Variants in GPR180 observed in about 807,000 individuals in gnomAD.
GPR180 encodes integral membrane protein GPR180.
A neutral mutation model predicts 52.6 loss-of-function variants in GPR180; 53 were observed. That is an observed-to-expected ratio of 1.01 (90% CI 0.81 to 1.27). GPR180 has a LOEUF of 1.27. Among genes scored for constraint, GPR180 ranks in the 50% most tolerant of loss-of-function variants. GPR180 has a pLI of 0.00. For synonymous variants in GPR180, 200 were observed against 193.1 expected (o/e 1.04, Z -0.30); for missense variants, 533 against 527.0 (o/e 1.01, Z -0.11).
At chr13:94,614,567 A>G (rs1347536194) in intron 3 of GPR180, among the ~76,000 whole-genome samples, 1 of 152,096 alleles carries the variant, frequency 6.6e-6, no homozygotes, top group Admixed American at 6.5e-5. Context: ...CTTGTCCTGA[A>G]CCTTGCCTAT....
intron 7 of GPR180, 127 bp from the exon 8 acceptor site, chr13:94,625,839 C>A: frequency 2.2e-6 from 1 of 463,562 alleles, no homozygotes; most frequent in Admixed American, 3.8e-5. Flanking sequence ...CATTTTATTG[C>A]AGGCTGTACT....
At chr13:94,621,377 T>C (rs1889849806) in intron 6 of GPR180, 142 bp downstream of exon 6, 2 of 579,656 alleles carry the variant, frequency 3.5e-6, no homozygotes, top group Non-Finnish European at 5.7e-6. Flanking sequence ...CTTCTACAAT[T>C]TGTGTCATTT....
rs777743445 is a variant in GPR180 at position 94,621,194 on chromosome 13, C to T, written c.853C>T (p.Pro285Ser). The change falls in exon 6 of 9, where the codon CCT (proline) becomes TCT (serine). Residue 285 changes from proline to serine, a missense_variant. Coordinates refer to ENST00000376958, the MANE Select transcript of GPR180 (RefSeq NM_180989.6). Reference protein sequence around the residue: ...QSRPLQWDSTPASTGIAVFIV... With the variant: ...QSRPLQWDSTSASTGIAVFIV... ...CAGACCTCTCCAGTGGGATTCTACGCCTGCATCCACTGGCATTGCAGTATT... is the reference window on the plus strand; with the variant it reads ...CAGACCTCTCCAGTGGGATTCTACGTCTGCATCCACTGGCATTGCAGTATT... The T allele has an allele frequency of 2.5e-6, 4 of 1,608,894 alleles. No homozygotes were observed. The highest frequency in any genetic ancestry group is 3.5e-5 in the Admixed American group (2 of 57,900).
At chr13:94,618,504 G>T (rs1054400794) in intron 3 of GPR180, among the ~76,000 whole-genome samples, 1 of 137,470 alleles carries the variant, frequency 7.3e-6, no homozygotes, top group Non-Finnish European at 1.5e-5. Flanking sequence ...ATATTTTGAA[G>T]GTTTGTCCAA....
rs1890035218 is a variant in GPR180 at position 94,634,174 on chromosome 13, A to C, written c.*7003A>C. 6.6e-6 allele frequency: 1 copy of C among 152,160 alleles called. No individual in the cohort carries two copies. Among genetic ancestry groups the C allele is most frequent in the Non-Finnish European group, 1.5e-5 (1 of 68,016 alleles). The allele number at this position is 152,160 out of a possible 1,614,324, so 9.4% of individuals were successfully genotyped here. A position where few individuals can be genotyped will look rare whatever the true frequency, so the allele number is the denominator to read the frequency against. On this transcript the variant is annotated 3_prime_UTR_variant, in exon 9 of 9. Coordinates refer to ENST00000376958, the MANE Select transcript of GPR180 (RefSeq NM_180989.6). ...ATTTTTCTGATTTTCAAAAGAAAAA[A>C]AATCCTGTTTAGTATTCTTAGTGGA...
chr13:94,609,249 A>G (rs1461691925), intron 2 of GPR180, among the ~76,000 whole-genome samples: 3 of 152,200 alleles, frequency 2.0e-5, no homozygotes, highest in Non-Finnish European at 2.9e-5. Flanking sequence ...ATGATTGGAT[A>G]ATTAGCTATT....
In GPR180 at chr13:94,619,465, C is replaced by T; in HGVS notation, c.687-3C>T. 8 of 1,612,140 alleles carry T rather than the reference C, an allele frequency of 5.0e-6. No homozygotes were observed. The highest frequency in any genetic ancestry group is 6.8e-6 in the Non-Finnish European group (8 of 1,178,714). ...TTTACACTACTCTTCTTCAATTCCT[C>T]AGTTACTCCAAAGATGGAATAGGGG... is the stretch of plus-strand genomic sequence containing the variant. On this transcript the variant is annotated splice_polypyrimidine_tract_variant and splice_region_variant and intron_variant, in intron 4 of 8. Coordinates refer to ENST00000376958, the MANE Select transcript of GPR180 (RefSeq NM_180989.6).
chr13:94,621,849 T>C (rs932051506), intron 6 of GPR180, among the ~76,000 whole-genome samples: 1 of 152,194 alleles, frequency 6.6e-6, no homozygotes, highest in Non-Finnish European at 1.5e-5. Flanking sequence ...GATACCCATA[T>C]GCCTATGTTC....
chr13:94,604,858 G>A (rs1165353796), intron 1 of GPR180, among the ~76,000 whole-genome samples: 1 of 152,048 alleles, frequency 6.6e-6, no homozygotes, highest in Non-Finnish European at 1.5e-5. Context: ...TACGGGTGTG[G>A]CCACTGTGCC....
rs776541643 is a variant in GPR180, at chr13:94,629,254, A to G, written c.*2083A>G. 50 of 152,306 alleles carry G rather than the reference A, an allele frequency of 3.3e-4. No homozygotes were observed. Among genetic ancestry groups the G allele is most frequent in the Admixed American group, 1.0e-3 (16 of 15,302 alleles). The allele number at this position is 152,306 out of a possible 1,614,324, so 9.4% of individuals were successfully genotyped here. A position where few individuals can be genotyped will look rare whatever the true frequency, so the allele number is the denominator to read the frequency against. The stretch of plus-strand genomic sequence containing the variant: ...TACAGAAAGTTAAGTGTATACTACA[A>G]ACTCTAATTAAAGATAAAAATCTTT... On this transcript the variant is annotated 3_prime_UTR_variant, in exon 9 of 9. Coordinates refer to ENST00000376958, the MANE Select transcript of GPR180 (RefSeq NM_180989.6).
rs529393081 is a variant in GPR180, at chr13:94,611,534, T to C, written c.305-656T>C. 2.6e-4 allele frequency among the ~76,000 whole-genome samples: 40 copies of C among 152,150 alleles called. No individual in the cohort carries two copies. The South Asian group carries it at 3.7e-3, about 14-fold the overall frequency. Reference sequence around the variant, plus strand: ...AACCAACCCGGAAACTGTGAAAATATCGAAAATCAAAATTCAAAGTTTCAG... The same window carrying C: ...AACCAACCCGGAAACTGTGAAAATACCGAAAATCAAAATTCAAAGTTTCAG... On this transcript the variant is annotated intron_variant, in intron 2 of 8. Coordinates refer to ENST00000376958, the MANE Select transcript of GPR180 (RefSeq NM_180989.6).
At chr13:94,617,621 C>T (rs533005295) in intron 3 of GPR180, among the ~76,000 whole-genome samples, 3 of 152,136 alleles carry the variant, frequency 2.0e-5, no homozygotes, top group Non-Finnish European at 4.4e-5. Context: ...TTCCCCCTAA[C>T]GAGGCCAAAA....
chr13:94,616,055 T>C (rs1889774417), intron 3 of GPR180, among the ~76,000 whole-genome samples: 1 of 152,200 alleles, frequency 6.6e-6, no homozygotes, highest in Non-Finnish European at 1.5e-5. Context: ...ACTATCAGTG[T>C]TGTTCTTAAG....
intron 2 of GPR180, among the ~76,000 whole-genome samples, chr13:94,610,092 A>G (rs1164900772): frequency 1.3e-5 from 2 of 152,088 alleles, no homozygotes; most frequent in Non-Finnish European, 2.9e-5. Context: ...TATGTATGTG[A>G]TTTTTGTTTT....
rs1890039105 is a variant in GPR180, at chr13:94,634,462, G to A, written c.*7291G>A. ...ATGTGTTTCTCAATCACCTTTTAAAGACTTCTTTATATAGCTCTTGTACAT... is the reference window on the plus strand; with the variant it reads ...ATGTGTTTCTCAATCACCTTTTAAAAACTTCTTTATATAGCTCTTGTACAT... On this transcript the variant is annotated 3_prime_UTR_variant, in exon 9 of 9. Coordinates refer to ENST00000376958, the MANE Select transcript of GPR180 (RefSeq NM_180989.6). 6.6e-6 allele frequency: 1 copy of A among 151,918 alleles called. No homozygotes were observed. The highest frequency in any genetic ancestry group is 1.5e-5 in the Non-Finnish European group (1 of 67,974). 9.4% of individuals were successfully genotyped at this position (151,918 alleles called of 1,614,324 possible). A position where few individuals can be genotyped will look rare whatever the true frequency, so the allele number is the denominator to read the frequency against.
rs1889561500 is a variant in GPR180 at position 94,602,075 on chromosome 13, A to C, written c.145+3A>C. The C allele has an allele frequency of 1.5e-6, 2 of 1,374,192 alleles. No homozygotes were observed. Among genetic ancestry groups the C allele is most frequent in the African/African-American group, 1.5e-5 (1 of 67,340 alleles). The allele number at this position is 1,374,192 out of a possible 1,614,324, so 85.1% of individuals were successfully genotyped here. On this transcript the variant is annotated splice_donor_region_variant and intron_variant, in intron 1 of 8. Transcript: ENST00000376958. ...CATCGGCCACTTCGAGTTCCATGGT[A>C]GGTCTGGGGGCGGGGAGGGGGATGA...
In GPR180 at chr13:94,628,230, T is replaced by C. The variant is rs1227652528; in HGVS notation, c.*1059T>C. ...ATCCTTTGTAATAAAGCCATACTTT[T>C]GTGTGTGTGTGTGATGCCCCAGTAT... On this transcript the variant is annotated 3_prime_UTR_variant, in exon 9 of 9. Transcript: ENST00000376958. The C allele has an allele frequency of 6.6e-6, 1 of 151,500 alleles. No individual in the cohort carries two copies. The allele number at this position is 151,500 out of a possible 1,614,324, so 9.4% of individuals were successfully genotyped here.
At chr13:94,611,676 C>T (rs145366328) in intron 2 of GPR180, among the ~76,000 whole-genome samples, 1 of 152,148 alleles carries the variant, frequency 6.6e-6, no homozygotes, top group East Asian at 1.9e-4. Flanking sequence ...TCTGCCCCCA[C>T]TCAGCCCCTA....
At position 94,629,620 on chromosome 13, in the gene GPR180, G is replaced by A. The variant is rs543390576; in HGVS notation, c.*2449G>A. ...ACATGTATTAGCTGTGTTTTAGTGA[G>A]AATGAATTGCTATCCATCATAATTT... On this transcript the variant is annotated 3_prime_UTR_variant, in exon 9 of 9. Transcript: ENST00000376958. The A allele has an allele frequency of 6.6e-6, 1 of 152,292 alleles. No individual in the cohort carries two copies. The highest frequency in any genetic ancestry group is 2.4e-5 in the African/African-American group (1 of 41,572). 9.4% of individuals were successfully genotyped at this position (152,292 alleles called of 1,614,324 possible). A position where few individuals can be genotyped will look rare whatever the true frequency, so the allele number is the denominator to read the frequency against.
Sources: allele counts gnomAD v4.1 joint callset (sites outside exome capture counted in the v4.1 genomes callset), GRCh38; gene constraint gnomAD v4.1.1; transcripts MANE v1.5; gene names NCBI Gene and HGNC (gene_info 2026-07-23, HGNC 2026-07-21).